FARP1: variants seen among roughly 807,000 people sequenced by gnomAD.
FARP1 encodes the protein FERM, ARH/RhoGEF and pleckstrin domain protein 1, also known as FERM, ARHGEF and pleckstrin domain-containing protein 1.
Under a neutral mutation model 128.8 loss-of-function variants are expected in FARP1, and 52 were observed. The ratio of observed to expected loss-of-function variants is 0.40; its 90% confidence interval spans 0.32 to 0.51. FARP1 has a LOEUF of 0.51. Ranked by LOEUF, FARP1 falls within the 20% of genes least tolerant of loss-of-function variation. The pLI, the probability that FARP1 is intolerant of heterozygous loss-of-function variation, is 0.45. For missense variants in FARP1, 1,333 were observed against 1,367.9 expected (o/e 0.97, Z 0.40); for synonymous variants, 580 against 551.8 (o/e 1.05, Z -0.72).
chr13:98,205,105 T>A (rs1467054937), intron 1 of FARP1, among the ~76,000 whole-genome samples: 1 of 152,240 alleles, frequency 6.6e-6, no homozygotes, highest in African/African-American at 2.4e-5. Flanking sequence ...TCATACTTTA[T>A]TTGAACTTTT....
intron 2 of FARP1, among the ~76,000 whole-genome samples, chr13:98,213,870 C>A (rs184516706): frequency 2.6e-5 from 4 of 152,030 alleles, no homozygotes; most frequent in African/African-American, 9.7e-5. Context: ...AGAACAGTCC[C>A]GAGAGCATCA....
rs188262933 is a variant in FARP1 at position 98,321,424 on chromosome 13, G to A, written c.172-22338G>A. Among the ~76,000 whole-genome samples, 8 of 152,308 alleles carry A rather than the reference G, an allele frequency of 5.3e-5. No homozygotes were observed. In the East Asian group the frequency reaches 9.6e-4, roughly 18 times the overall value. On this transcript the variant is annotated intron_variant, in intron 2 of 26. Transcript: ENST00000319562. ...AGACAAATGGTTGTGTCTGAAAAAGGTTCTAAGAATTGAAAACAGCTTCAG... is the reference window on the plus strand; with the variant it reads ...AGACAAATGGTTGTGTCTGAAAAAGATTCTAAGAATTGAAAACAGCTTCAG...
At chr13:98,201,219 G>A (rs1229265421) in intron 1 of FARP1, among the ~76,000 whole-genome samples, 1 of 152,220 alleles carries the variant, frequency 6.6e-6, no homozygotes, top group East Asian at 1.9e-4. Context: ...AAGGTGAGCA[G>A]ATCCCTAAAG....
At chr13:98,178,326 G>A (rs568532809) in intron 1 of FARP1, among the ~76,000 whole-genome samples, 1 of 151,312 alleles carries the variant, frequency 6.6e-6, no homozygotes, top group East Asian at 1.9e-4. Flanking sequence ...CTCCTGAGTA[G>A]CTGGGATTAC....
intron 1 of FARP1, among the ~76,000 whole-genome samples, chr13:98,198,055 C>G (rs1247897409): frequency 6.6e-6 from 1 of 152,168 alleles, no homozygotes; most frequent in Non-Finnish European, 1.5e-5. Context: ...TTTTACATAG[C>G]TTTCCAGACA....
intron 5 of FARP1, among the ~76,000 whole-genome samples, chr13:98,373,718 T>G (rs1594458938): frequency 6.6e-6 from 1 of 152,162 alleles, no homozygotes; most frequent in Non-Finnish European, 1.5e-5. Context: ...GCTGCTGTGG[T>G]TTTTTAGTTC....
rs1879314615 is a variant in FARP1 at position 98,192,661 on chromosome 13, G to A, written c.-23-20559G>A. Reference sequence around the variant, plus strand: ...CTGCCACAGCCTCCCAAAGTGCTGGGATTACAAGTGTGAGTCACTGCGCCC... The same window carrying A: ...CTGCCACAGCCTCCCAAAGTGCTGGAATTACAAGTGTGAGTCACTGCGCCC... On this transcript the variant is annotated intron_variant, in intron 1 of 26. Coordinates refer to ENST00000319562, the MANE Select transcript of FARP1 (RefSeq NM_005766.4). Among the ~76,000 whole-genome samples, 4 of 152,132 alleles carry A rather than the reference G, an allele frequency of 2.6e-5. No homozygotes were observed. In the South Asian group the frequency reaches 8.3e-4, roughly 32 times the overall value.
At chr13:98,183,438 A>G (rs1269900230) in intron 1 of FARP1, among the ~76,000 whole-genome samples, 1 of 151,940 alleles carries the variant, frequency 6.6e-6, no homozygotes, top group Non-Finnish European at 1.5e-5. Context: ...ATGGAGGACT[A>G]TTTTTTCTGA....
chr13:98,312,739 C>G (rs1886533452), intron 2 of FARP1, among the ~76,000 whole-genome samples: 1 of 152,066 alleles, frequency 6.6e-6, no homozygotes, highest in African/African-American at 2.4e-5. Flanking sequence ...AGTTTATAAG[C>G]CTCTCCTGCA....
intron 19 of FARP1, 196 bp downstream of exon 19, chr13:98,435,902 T>TCTGACCTCATATTCTGCTTTTTCTC: frequency 1.5e-6 from 1 of 685,508 alleles, no homozygotes; most frequent in Non-Finnish European, 2.7e-6. Context: ...AAAGCAATCC[T>TCTGACCTCATATTCTGCTTTTTCTC]CTGACCTCAT....
intron 2 of FARP1, among the ~76,000 whole-genome samples, chr13:98,224,734 C>T (rs540221015): frequency 6.6e-6 from 1 of 152,024 alleles, no homozygotes; most frequent in South Asian, 2.1e-4. Flanking sequence ...GCTGGGCCTG[C>T]AGGCAGGCAG....
chr13:98,314,924 C>T (rs1886657388), intron 2 of FARP1, among the ~76,000 whole-genome samples: 1 of 152,078 alleles, frequency 6.6e-6, no homozygotes, highest in Admixed American at 6.5e-5. Context: ...TTGAAGATAG[C>T]AGATGGTTCA....
chr13:98,151,115 C>G (rs1294291133), intron 1 of FARP1, among the ~76,000 whole-genome samples: 1 of 151,402 alleles, frequency 6.6e-6, no homozygotes, highest in Non-Finnish European at 1.5e-5. Context: ...CCCACTCTGT[C>G]CCTTCTTCAT....
intron 17 of FARP1, among the ~76,000 whole-genome samples, chr13:98,425,872 A>C (rs1891767797): frequency 6.6e-6 from 1 of 152,222 alleles, no homozygotes; most frequent in Non-Finnish European, 1.5e-5. Context: ...AATTCCTTTA[A>C]CATAAAATGT....
intron 2 of FARP1, among the ~76,000 whole-genome samples, chr13:98,316,173 C>G (rs1886710141): frequency 6.6e-6 from 1 of 152,154 alleles, no homozygotes; most frequent in Admixed American, 6.5e-5. Flanking sequence ...AGGTGCTGAG[C>G]TATTTTTAAC....
At chr13:98,378,533 G>A (rs1192550559) in intron 6 of FARP1, among the ~76,000 whole-genome samples, 1 of 152,130 alleles carries the variant, frequency 6.6e-6, no homozygotes, top group Non-Finnish European at 1.5e-5. Context: ...TTTCAGAAAG[G>A]TAATTGTGGG....
At chr13:98,226,457 C>T (rs1048854169) in intron 2 of FARP1, among the ~76,000 whole-genome samples, 15 of 151,378 alleles carry the variant, frequency 9.9e-5, no homozygotes, top group African/African-American at 3.7e-4. Context: ...CTCACAGGTA[C>T]CAGGGATTAG....
In FARP1 at chr13:98,446,822, A is replaced by C; in HGVS notation, c.3056+5A>C. 6.2e-7 allele frequency: 1 copy of C among 1,613,938 alleles called. No homozygotes were observed. The highest frequency in any genetic ancestry group is 1.6e-4 in the Middle Eastern group (1 of 6,062). ...AAGCGAGTACACGTTCGAAAGGTAG[A>C]CACCCCCTTCCCACGCACAGGGCCC... is the stretch of plus-strand genomic sequence containing the variant. On this transcript the variant is annotated splice_donor_5th_base_variant and intron_variant, in intron 26 of 26. Transcript: ENST00000319562.
At chr13:98,270,567 G>T (rs1884343371) in intron 2 of FARP1, among the ~76,000 whole-genome samples, 1 of 152,164 alleles carries the variant, frequency 6.6e-6, no homozygotes, top group South Asian at 2.1e-4. Context: ...AAATGAGGTA[G>T]CTCCTGGCAC....
Sources: allele counts gnomAD v4.1 joint callset (sites outside exome capture counted in the v4.1 genomes callset), GRCh38; gene constraint gnomAD v4.1.1; transcripts MANE v1.5; gene names NCBI Gene and HGNC (gene_info 2026-07-23, HGNC 2026-07-21).